The following NDRG2 variants were observed in gnomAD, a reference collection of about 807,000 sequenced individuals.
NDRG2 encodes the protein protein NDRG2.
A neutral mutation model predicts 58.2 loss-of-function variants in NDRG2; 34 were observed. The observed-to-expected ratio is 0.58, with a 90% CI of 0.44 to 0.78. The LOEUF (loss-of-function observed/expected upper bound fraction) is 0.78. Among genes scored for constraint, NDRG2 ranks in the 30% least tolerant of loss-of-function variants. The pLI is 0.00. For missense variants in NDRG2, 434 were observed against 471.2 expected (o/e 0.92, Z 0.73); for synonymous variants, 187 against 175.9 (o/e 1.06, Z -0.50).
At chr14:21,050,301 C>T (rs560427851) in intron 1 of NDRG2, among the ~76,000 whole-genome samples, 5 of 152,258 alleles carry the variant, frequency 3.3e-5, no homozygotes, top group African/African-American at 9.6e-5. Flanking sequence ...TGTCCCTGGC[C>T]GTGCCATTGG....
chr14:21,051,218 G>T, intron 1 of NDRG2, among the ~76,000 whole-genome samples: 1 of 152,180 alleles, frequency 6.6e-6, no homozygotes. Flanking sequence ...TTCTTTTCAA[G>T]AACTGGTTGA....
At chr14:21,037,554 G>C (rs1884704402) in intron 1 of NDRG2, among the ~76,000 whole-genome samples, 5 of 152,204 alleles carry the variant, frequency 3.3e-5, no homozygotes, top group Non-Finnish European at 7.3e-5. Flanking sequence ...CAGGGATATT[G>C]CTGAACATCC....
intron 1 of NDRG2, among the ~76,000 whole-genome samples, chr14:21,060,968 C>T (rs1305177740): frequency 1.3e-5 from 2 of 152,202 alleles, no homozygotes; most frequent in Non-Finnish European, 2.9e-5. Context: ...ATACACATTA[C>T]GGCCTTGGAG....
chr14:21,040,970 G>GTTT (rs1884863678), intron 1 of NDRG2, among the ~76,000 whole-genome samples: 2 of 113,832 alleles, frequency 1.8e-5, no homozygotes, highest in African/African-American at 3.1e-5. Context: ...TTTTGTCTTT[G>GTTT]TTTTTTGTTG....
At chr14:21,030,825 G>A (rs867372956), upstream of NDRG2, 45 of 1,565,894 alleles carry the variant, frequency 2.9e-5, 1 homozygote, top group Middle Eastern at 6.0e-4. Context: ...AAGGGTTCAC[G>A]TGGTGGAACA....
intron 1 of NDRG2, among the ~76,000 whole-genome samples, chr14:21,037,323 A>G (rs1300473502): frequency 6.6e-6 from 1 of 152,240 alleles, no homozygotes; most frequent in Non-Finnish European, 1.5e-5. Flanking sequence ...CAACCTCATC[A>G]TGGTGTCATG....
chr14:21,022,517 C>CA lies in NDRG2; in HGVS notation c.118-21dup, dbSNP rs1181465087. 6.3e-7 allele frequency: 1 copy of CA among 1,579,606 alleles called. No homozygotes were observed. Among genetic ancestry groups the CA allele is most frequent in the Non-Finnish European group, 8.7e-7 (1 of 1,148,950 alleles). ...GTGAGTCTGCAGGAAAACAGGGCAC[C>CA]AAGAGCTAGGCTCAGAGGAGACGAG... On this transcript the variant is annotated intron_variant, in intron 3 of 15. Transcript: ENST00000556147.
At chr14:21,038,371 A>G (rs909419700) in intron 1 of NDRG2, among the ~76,000 whole-genome samples, 9 of 152,238 alleles carry the variant, frequency 5.9e-5, no homozygotes, top group African/African-American at 2.2e-4. Flanking sequence ...TAAGAGAAAA[A>G]TAATACATAC....
chr14:21,061,983 T>G (rs537170993), intron 1 of NDRG2, among the ~76,000 whole-genome samples: 3 of 152,328 alleles, frequency 2.0e-5, no homozygotes, highest in Non-Finnish European at 4.4e-5. Context: ...TTATAAAATA[T>G]CTCTTTTAAT....
chr14:21,020,929 C>T (rs1379908964), intron 6 of NDRG2, 85 bp from the exon 7 acceptor site: 1 of 1,406,418 alleles, frequency 7.1e-7, no homozygotes, highest in East Asian at 2.3e-5. Flanking sequence ...CTTCACCCTC[C>T]CTCCTGAGTC....
upstream of NDRG2, chr14:21,025,740 A>G: frequency 1.0e-6 from 1 of 967,636 alleles, no homozygotes; most frequent in Non-Finnish European, 1.2e-6. The surrounding 1 kb of genome is among the most constrained non-coding windows in gnomAD (Gnocchi z 5.1). Flanking sequence ...GTTGGACAAC[A>G]AGGCGGGGAG....
intron 1 of NDRG2, among the ~76,000 whole-genome samples, chr14:21,051,362 T>C (rs1340387059): frequency 6.6e-6 from 1 of 152,156 alleles, no homozygotes; most frequent in Non-Finnish European, 1.5e-5. Flanking sequence ...ACTATGATTG[T>C]TTTTATCGTT....
chr14:21,046,334 G>A (rs989876427), intron 1 of NDRG2, among the ~76,000 whole-genome samples: 5 of 152,096 alleles, frequency 3.3e-5, no homozygotes, highest in Admixed American at 6.6e-5. Context: ...AGACCAGTCT[G>A]GGCAACATAG....
At chr14:21,039,608 A>G (rs541860894) in intron 1 of NDRG2, among the ~76,000 whole-genome samples, 1 of 152,358 alleles carries the variant, frequency 6.6e-6, no homozygotes, top group East Asian at 1.9e-4. Context: ...TACAAGGTGA[A>G]GCAGATCTTG....
Position 21,018,048 on chromosome 14 carries a change from TAAG to T in NDRG2, c.898-13_898-11del. On this transcript the variant is annotated splice_polypyrimidine_tract_variant and intron_variant, in intron 14 of 15. Transcript: ENST00000556147. ...CGGTCAGCTTGCCTGGCTGCGGAAG[TAAG>T]AAGAGGCGAGGGAGACGGTGAGATG... is the stretch of plus-strand genomic sequence containing the variant. The T allele has an allele frequency of 6.2e-7, 1 of 1,613,478 alleles. No homozygotes were observed. The highest frequency in any genetic ancestry group is 1.1e-5 in the South Asian group (1 of 91,074).
chr14:21,027,083 C>G (rs1217214857), upstream of NDRG2, among the ~76,000 whole-genome samples: 1 of 152,168 alleles, frequency 6.6e-6, no homozygotes, highest in African/African-American at 2.4e-5. Context: ...GATAAGGGGC[C>G]TACGCAGGGG....
chr14:21,025,159 C>T (rs1404815729), upstream of NDRG2: 10 of 946,242 alleles, frequency 1.1e-5, no homozygotes, highest in African/African-American at 1.8e-5. This position sits in a 1 kb window ranked among gnomAD's most constrained non-coding sequence, Gnocchi z 5.1. Context: ...GCAGACCCGC[C>T]CCAGACCCCC....
At chr14:21,034,668 T>G in intron 1 of NDRG2, 2 of 195,856 alleles carry the variant, frequency 1.0e-5, no homozygotes, top group Non-Finnish European at 2.1e-5. Context: ...GACAATTCTC[T>G]GGCAGCTGGG....
At chr14:21,057,618 C>CATATATATATATATATATATATATATAT (rs57420807) in intron 1 of NDRG2, among the ~76,000 whole-genome samples, 3,681 of 121,066 alleles carry the variant, frequency 0.03, 178 homozygotes, top group African/African-American at 0.047. Context: ...TCATTTTATT[C>CATATATATATATATATATATATATATAT]ATATATATAT....
Sources: allele counts gnomAD v4.1 joint callset (sites outside exome capture counted in the v4.1 genomes callset), GRCh38; gene constraint gnomAD v4.1.1; non-coding constraint Gnocchi (gnomAD v3.1); transcripts MANE v1.5; gene names NCBI Gene and HGNC (gene_info 2026-07-23, HGNC 2026-07-21).